PEX1: variants seen among roughly 807,000 people sequenced by gnomAD.
PEX1 encodes peroxisomal biogenesis factor 1.
A neutral mutation model predicts 152.5 loss-of-function variants in PEX1; 97 were observed. The observed-to-expected ratio is 0.64, with a 90% CI of 0.54 to 0.75. The LOEUF is 0.75. Among genes scored for constraint, PEX1 ranks in the 30% least tolerant of loss-of-function variants. The pLI is 0.00. For missense variants in PEX1, 1,357 were observed against 1,516.3 expected, an observed-to-expected ratio of 0.89 and a Z score of 1.74; for synonymous variants, 485 against 531.6, an observed-to-expected ratio of 0.91 and a Z score of 1.21.
intron 15 of PEX1, 111 bp downstream of exon 15, chr7:92,501,396 A>C: frequency 1.2e-6 from 1 of 817,060 alleles, no homozygotes; most frequent in South Asian, 1.4e-5. Context: ...TAACTCAGTA[A>C]ACACTTGTTG....
At chr7:92,522,422 GGT>G (rs1170403105) in intron 1 of PEX1, among the ~76,000 whole-genome samples, 177 bp from the exon 2 acceptor site, 4 of 147,276 alleles carry the variant, frequency 2.7e-5, no homozygotes, top group African/African-American at 1.0e-4. Flanking sequence ...ACCCAATGCT[GGT>G]GGATGCTAAT....
At position 92,515,049 on chromosome 7, in the gene PEX1, GA is replaced by G. The variant is rs546628880; in HGVS notation, c.1240-1083del. 3.8e-3 allele frequency among the ~76,000 whole-genome samples: 355 copies of G among 93,874 alleles called. 3 individuals carry two copies. Among genetic ancestry groups the G allele is most frequent in the African/African-American group, 8.9e-3 (232 of 26,022 alleles). The allele number at this position is 93,874 out of a possible 152,430, so 61.6% of individuals were successfully genotyped here. A position where few individuals can be genotyped will look rare whatever the true frequency, so the allele number is the denominator to read the frequency against. On this transcript the variant is annotated intron_variant, in intron 5 of 23. Coordinates refer to ENST00000248633, the MANE Select transcript of PEX1 (RefSeq NM_000466.3). The stretch of plus-strand genomic sequence containing the variant: ...GCGACAGAGTGAGACTCCGTCTCAA[GA>G]AAAAAAAAAAAATTATCTATATATA...
rs751979494 is a variant in PEX1 at position 92,491,517 on chromosome 7, AG to A, written c.3208-16del. On this transcript the variant is annotated splice_polypyrimidine_tract_variant and intron_variant, in intron 20 of 23. Coordinates refer to ENST00000248633, the MANE Select transcript of PEX1 (RefSeq NM_000466.3). ...GAACTTCCATCCTAAAATACACAAAAGGACAACCAGTTTAAAGATGTAAACA... is the reference window on the plus strand; with the variant it reads ...GAACTTCCATCCTAAAATACACAAAAGACAACCAGTTTAAAGATGTAAACA... The A allele has an allele frequency of 2.0e-6, 3 of 1,463,556 alleles. No individual in the cohort carries two copies. Among genetic ancestry groups the A allele is most frequent in the Non-Finnish European group, 2.9e-6 (3 of 1,043,464 alleles). The allele number at this position is 1,463,556 out of a possible 1,614,324, so 90.7% of individuals were successfully genotyped here.
At chr7:92,498,579 T>G (rs1202045985) in intron 16 of PEX1, among the ~76,000 whole-genome samples, 1 of 152,194 alleles carries the variant, frequency 6.6e-6, no homozygotes, top group Non-Finnish European at 1.5e-5. Context: ...CACGATTCCT[T>G]TGTCTTGGAA....
chr7:92,518,088 G>A lies in PEX1; in HGVS notation c.473-46C>T, dbSNP rs746608709. ...ATTAGTGCACATTCATTTCTACTTTGGACTCAATGCTATAGTGTAGAATAT... is the reference window on the plus strand; with the variant it reads ...ATTAGTGCACATTCATTTCTACTTTAGACTCAATGCTATAGTGTAGAATAT... On this transcript the variant is annotated intron_variant, in intron 4 of 23. Coordinates refer to ENST00000248633, the MANE Select transcript of PEX1 (RefSeq NM_000466.3). 3 of 1,608,978 alleles carry A rather than the reference G, an allele frequency of 1.9e-6. No homozygotes were observed. In the South Asian group the frequency reaches 3.3e-5, roughly 18 times the overall value.
At chr7:92,514,602 A>G (rs1792635871) in intron 5 of PEX1, among the ~76,000 whole-genome samples, 1 of 152,214 alleles carries the variant, frequency 6.6e-6, no homozygotes, top group South Asian at 2.1e-4. Context: ...AATCTGCCTG[A>G]TTGTCTGATT....
rs758259556 is a variant in PEX1, at chr7:92,497,171, C to T, written c.2719-394G>A. On this transcript the variant is annotated intron_variant, in intron 16 of 23. Coordinates refer to ENST00000248633, the MANE Select transcript of PEX1 (RefSeq NM_000466.3). ...TGAATTATATACTGAATGTGTCTATCTGCTTGTTGTCGCTTTCCACTAGTA... is the reference window on the plus strand; with the variant it reads ...TGAATTATATACTGAATGTGTCTATTTGCTTGTTGTCGCTTTCCACTAGTA... Among the ~76,000 whole-genome samples the T allele has an allele frequency of 7.2e-5, 11 of 152,274 alleles. No individual in the cohort carries two copies. The South Asian group carries it at 1.2e-3, about 17-fold the overall frequency.
At position 92,517,957 on chromosome 7, in the gene PEX1, C is replaced by CTCTTTGGCTCGGCGTG. The variant is rs1792876435; in HGVS notation, c.542_557dup (p.Glu186AspfsTer13). On this transcript the variant is annotated frameshift_variant, in exon 5 of 24. Coordinates refer to ENST00000248633, the MANE Select transcript of PEX1 (RefSeq NM_000466.3). LOFTEE classifies it high-confidence loss of function. ...CAGCATCAGCTTTTGAAAATGTATT[C>CTCTTTGGCTCGGCGTG]TCTTTGGCTCGGCGTGTCTTTGGCT... 1.2e-6 allele frequency: 2 copies of CTCTTTGGCTCGGCGTG among 1,607,506 alleles called. No homozygotes were observed. Among genetic ancestry groups the CTCTTTGGCTCGGCGTG allele is most frequent in the Non-Finnish European group, 1.7e-6 (2 of 1,177,448 alleles).
At position 92,499,731 on chromosome 7, in the gene PEX1, C is replaced by G; in HGVS notation, c.2691G>C (p.Glu897Asp). ...TGACACTTATAAAATTCATTCTACT[C>G]TCTCGTGCAATTACCCCAGCTAGTA... Reference protein sequence around the residue: ...KTLLAGVIARESRMNFISVKG... With the variant: ...KTLLAGVIARDSRMNFISVKG... The change falls in exon 16 of 24, where the codon GAG becomes GAC. Residue 897 changes from glutamate to aspartate, a missense_variant. Transcript: ENST00000248633. The G allele has an allele frequency of 6.2e-7, 1 of 1,613,310 alleles. No individual in the cohort carries two copies. The highest frequency in any genetic ancestry group is 8.5e-7 in the Non-Finnish European group (1 of 1,179,292).
intron 10 of PEX1, chr7:92,506,595 C>G: frequency 1.9e-6 from 1 of 533,668 alleles, no homozygotes; most frequent in Non-Finnish European, 3.4e-6. Flanking sequence ...GACAAAAGCT[C>G]AACAGAACAT....
intron 5 of PEX1, among the ~76,000 whole-genome samples, chr7:92,516,538 C>T (rs576068131): frequency 1.3e-5 from 2 of 151,912 alleles, no homozygotes; most frequent in South Asian, 2.1e-4. Context: ...AAAAAATCTA[C>T]AAAAGGAGAC....
chr7:92,507,271 C>CT (rs1792241270), intron 9 of PEX1, 145 bp from the exon 10 acceptor site: 8 of 667,280 alleles, frequency 1.2e-5, no homozygotes, highest in Non-Finnish European at 1.9e-5. Context: ...AAGGGGCTTG[C>CT]TGTGTCATCC....
chr7:92,506,486 C>T, intron 10 of PEX1, 142 bp from the exon 11 acceptor site: 2 of 670,502 alleles, frequency 3.0e-6, no homozygotes, highest in Non-Finnish European at 5.4e-6. Context: ...GAATACTTCC[C>T]ATCTCATTTT....
intron 20 of PEX1, among the ~76,000 whole-genome samples, chr7:92,491,825 A>G (rs1357216237): frequency 4.6e-5 from 7 of 152,188 alleles, no homozygotes; most frequent in African/African-American, 1.7e-4. Flanking sequence ...TGATGAATCA[A>G]CCATGTTATA....
At position 92,511,063 on chromosome 7, in the gene PEX1, T is replaced by C; in HGVS notation, c.1484-16A>G. ...TCCTTCAGTCCTATTAAAAAGAAAG[T>C]AATAAATGCAGAGTTAGTACTGAAA... On this transcript the variant is annotated splice_polypyrimidine_tract_variant and intron_variant, in intron 7 of 23. Coordinates refer to ENST00000248633, the MANE Select transcript of PEX1 (RefSeq NM_000466.3). 1 of 1,123,724 alleles carries C rather than the reference T, an allele frequency of 8.9e-7. No homozygotes were observed. Among genetic ancestry groups the C allele is most frequent in the Non-Finnish European group, 1.4e-6 (1 of 736,182 alleles). The allele number at this position is 1,123,724 out of a possible 1,614,324, so 69.6% of individuals were successfully genotyped here.
intron 9 of PEX1, among the ~76,000 whole-genome samples, chr7:92,508,188 C>T (rs1792290109): frequency 6.6e-6 from 1 of 151,980 alleles, no homozygotes; most frequent in Non-Finnish European, 1.5e-5. Context: ...ATTTTACAAA[C>T]ATGAACTTTA....
chr7:92,510,584 C>A (rs578230263), intron 8 of PEX1, among the ~76,000 whole-genome samples: 70 of 152,064 alleles, frequency 4.6e-4, no homozygotes, highest in African/African-American at 1.5e-3. Context: ...ATGGGTTGTG[C>A]AGTAAAATTG....
At chr7:92,505,431 A>G (rs1184152349) in intron 11 of PEX1, among the ~76,000 whole-genome samples, 1 of 152,046 alleles carries the variant, frequency 6.6e-6, no homozygotes, top group Non-Finnish European at 1.5e-5. Flanking sequence ...AAAAAAAGAA[A>G]AAAGAAAAGG....
At chr7:92,507,165 A>T in intron 9 of PEX1, 39 bp from the exon 10 acceptor site, 1 of 1,592,182 alleles carries the variant, frequency 6.3e-7, no homozygotes, top group Non-Finnish European at 8.6e-7. Context: ...AAAAGACTGA[A>T]GCAGGATAAA....
Sources: allele counts gnomAD v4.1 joint callset (sites outside exome capture counted in the v4.1 genomes callset), GRCh38; gene constraint gnomAD v4.1.1; transcripts MANE v1.5; gene names NCBI Gene and HGNC (gene_info 2026-07-23, HGNC 2026-07-21).